Variants in NLGN1 observed in about 807,000 individuals in gnomAD.
NLGN1 encodes neuroligin 1.
NLGN1 carries 12 observed loss-of-function variants against 65.5 expected under a neutral mutation model. The observed-to-expected ratio is 0.18, with a 90% confidence interval of 0.12 to 0.30. The LOEUF (loss-of-function observed/expected upper bound fraction) is 0.30. NLGN1 is among the 10% of genes least tolerant of loss of function. The pLI is 1.00. For missense variants in NLGN1, 750 were observed against 1,007.1 expected, an observed-to-expected ratio of 0.74 and a Z score of 3.46; for synonymous variants, 350 against 359.5, an observed-to-expected ratio of 0.97 and a Z score of 0.30.
In NLGN1 at chr3:174,044,577, A is replaced by G. The variant is rs1733099344; in HGVS notation, c.647-230738A>G. Reference sequence around the variant, plus strand: ...AGTTCTCAGTAAGTTCCTCACCTCCATCCGAGACCACCTCAGCCTCTCAGC... The same window carrying G: ...AGTTCTCAGTAAGTTCCTCACCTCCGTCCGAGACCACCTCAGCCTCTCAGC... On this transcript the variant is annotated intron_variant, in intron 4 of 6. Coordinates refer to ENST00000457714, the Ensembl canonical transcript of NLGN1. 2.0e-5 allele frequency among the ~76,000 whole-genome samples: 3 copies of G among 152,156 alleles called. No individual in the cohort carries two copies. In the South Asian group the frequency reaches 6.2e-4, roughly 32 times the overall value.
chr3:174,126,041 G>A (rs1451815341), intron 4 of NLGN1, among the ~76,000 whole-genome samples: 1 of 152,088 alleles, frequency 6.6e-6, no homozygotes, highest in African/African-American at 2.4e-5. Flanking sequence ...GAGCATCTGA[G>A]TGCAAGGTCA....
intron 2 of NLGN1, among the ~76,000 whole-genome samples, chr3:173,440,028 C>G (rs559633523): frequency 7.2e-5 from 11 of 152,280 alleles, no homozygotes; most frequent in Middle Eastern, 6.8e-3. Flanking sequence ...TCAATTCTCT[C>G]TCTTAGTTGC....
intron 4 of NLGN1, among the ~76,000 whole-genome samples, chr3:174,165,812 T>G (rs12696348): frequency 0.17 from 25,731 of 151,828 alleles, 4,550 homozygotes; most frequent in African/African-American, 0.45. Context: ...ATTTGGCTGG[T>G]CTGTGAATCC....
intron 4 of NLGN1, among the ~76,000 whole-genome samples, chr3:173,843,378 A>G (rs760487659): frequency 1.3e-5 from 2 of 152,240 alleles, no homozygotes; most frequent in African/African-American, 2.4e-5. Flanking sequence ...TGCAGCAGGC[A>G]TGAATTTCTC....
At chr3:173,976,664 G>A (rs1717531985) in intron 4 of NLGN1, among the ~76,000 whole-genome samples, 1 of 151,912 alleles carries the variant, frequency 6.6e-6, no homozygotes, top group African/African-American at 2.4e-5. Flanking sequence ...ATTTCATTTT[G>A]TTTTTCTGGG....
chr3:173,627,145 GACAA>G (rs1263772738), intron 3 of NLGN1, among the ~76,000 whole-genome samples: 1 of 151,814 alleles, frequency 6.6e-6, no homozygotes, highest in Non-Finnish European at 1.5e-5. Context: ...AGGTATAATT[GACAA>G]ACAAAATTTG....
intron 4 of NLGN1, among the ~76,000 whole-genome samples, chr3:174,256,978 A>G (rs1380541828): frequency 2.6e-5 from 4 of 152,350 alleles, no homozygotes; most frequent in South Asian, 2.1e-4. Context: ...CAGACAATCT[A>G]TCAAATGGAA....
chr3:173,528,464 T>C (rs1234220021), intron 2 of NLGN1, among the ~76,000 whole-genome samples: 1 of 152,190 alleles, frequency 6.6e-6, no homozygotes, highest in Non-Finnish European at 1.5e-5. Context: ...CTCAGTTTAT[T>C]GTATCTGAAT....
chr3:174,058,342 TGGAGAGTA>T (rs1190222464), intron 4 of NLGN1, among the ~76,000 whole-genome samples: 1 of 152,154 alleles, frequency 6.6e-6, no homozygotes, highest in Non-Finnish European at 1.5e-5. Context: ...GCATTTATAC[TGGAGAGTA>T]CCTGATTCAG....
At chr3:174,222,129 A>G (rs1738786969) in intron 4 of NLGN1, among the ~76,000 whole-genome samples, 1 of 152,120 alleles carries the variant, frequency 6.6e-6, no homozygotes, top group South Asian at 2.1e-4. Flanking sequence ...TTTTGAGATA[A>G]GTAGCTGTGA....
intron 2 of NLGN1, among the ~76,000 whole-genome samples, chr3:173,445,507 A>T (rs1720101932): frequency 6.6e-6 from 1 of 152,176 alleles, no homozygotes; most frequent in African/African-American, 2.4e-5. Flanking sequence ...TTTGCCAATG[A>T]TCTCATAGCT....
intron 2 of NLGN1, among the ~76,000 whole-genome samples, chr3:173,559,774 AGGTTTTT>A (rs1742351249): frequency 6.6e-6 from 1 of 152,194 alleles, no homozygotes; most frequent in African/African-American, 2.4e-5. Flanking sequence ...GAATGCTAGA[AGGTTTTT>A]GATATTTTTA....
At chr3:173,726,006 C>G (rs3861380) in intron 3 of NLGN1, among the ~76,000 whole-genome samples, 58,809 of 151,884 alleles carry the variant, frequency 0.39, 13,140 homozygotes, top group East Asian at 0.67. Flanking sequence ...GTATGCCCAG[C>G]TGGAGTCTTA....
At chr3:173,801,301 T>A (rs1578502427) in intron 3 of NLGN1, among the ~76,000 whole-genome samples, 1 of 152,128 alleles carries the variant, frequency 6.6e-6, no homozygotes, top group East Asian at 1.9e-4. Flanking sequence ...TCTTTTTTGG[T>A]TCCAATCAGG....
At chr3:174,191,024 A>C (rs569122381) in intron 4 of NLGN1, among the ~76,000 whole-genome samples, 1 of 151,700 alleles carries the variant, frequency 6.6e-6, no homozygotes, top group African/African-American at 2.4e-5. Context: ...TGTGCGTGTA[A>C]CTTTCATTTT....
chr3:174,218,169 A>G (rs930297848), intron 4 of NLGN1, among the ~76,000 whole-genome samples: 3 of 152,078 alleles, frequency 2.0e-5, no homozygotes, highest in African/African-American at 7.2e-5. Context: ...ATTCATGGTA[A>G]TAGAATCTGC....
At chr3:173,497,158 C>T (rs1404168044) in intron 2 of NLGN1, among the ~76,000 whole-genome samples, 1 of 151,790 alleles carries the variant, frequency 6.6e-6, no homozygotes, top group Non-Finnish European at 1.5e-5. Flanking sequence ...CCAAGGCGGG[C>T]AGATCACCTG....
chr3:174,220,343 G>C (rs2152804689), intron 4 of NLGN1, among the ~76,000 whole-genome samples: 1 of 152,226 alleles, frequency 6.6e-6, no homozygotes, highest in African/African-American at 2.4e-5. Context: ...ATCTCCTACA[G>C]AAGTGAACCT....
chr3:173,966,383 G>A (rs1714869911), intron 4 of NLGN1, among the ~76,000 whole-genome samples: 1 of 152,206 alleles, frequency 6.6e-6, no homozygotes, highest in Admixed American at 6.5e-5. Flanking sequence ...TTGTGAAGTA[G>A]AAGGTCAATC....
Sources: allele counts gnomAD v4.1 joint callset (sites outside exome capture counted in the v4.1 genomes callset), GRCh38; gene constraint gnomAD v4.1.1; transcripts MANE v1.5; gene names NCBI Gene and HGNC (gene_info 2026-07-23, HGNC 2026-07-21).